The following TMEM63A variants were observed in gnomAD, a reference collection of about 807,000 sequenced individuals.
TMEM63A encodes transmembrane protein 63A, also known as mechanosensitive cation channel TMEM63A.
A neutral mutation model predicts 100.6 loss-of-function variants in TMEM63A; 76 were observed. The ratio of observed to expected loss-of-function variants is 0.76; its 90% CI spans 0.63 to 0.91. The LOEUF (loss-of-function observed/expected upper bound fraction) is 0.91, where lower values mean the gene tolerates loss of function less well. Among genes scored for constraint, TMEM63A ranks in the 40% least tolerant of loss-of-function variants. The pLI is 0.00. For missense variants in TMEM63A, 876 were observed against 1,008.8 expected, an observed-to-expected ratio of 0.87 and a Z score of 1.78; for synonymous variants, 401 against 401.1, an observed-to-expected ratio of 1.00 and a Z score of 0.00.
intron 3 of TMEM63A, among the ~76,000 whole-genome samples, chr1:225,876,496 C>T (rs1459962311): frequency 1.3e-5 from 2 of 152,210 alleles, no homozygotes; most frequent in Non-Finnish European, 2.9e-5. Flanking sequence ...AGAAGGGGCA[C>T]TTTAACCCCA....
rs1669900554 is a variant in TMEM63A at position 225,860,863 on chromosome 1, C to A, written c.1220G>T (p.Cys407Phe). The A allele has an allele frequency of 2.5e-6, 4 of 1,607,528 alleles. No homozygotes were observed. The highest frequency in any genetic ancestry group is 8.5e-7 in the Non-Finnish European group (1 of 1,177,042). The change falls in exon 14 of 25, where the codon TGC becomes TTC. Residue 407 changes from cysteine (C) to phenylalanine (F), a missense_variant. Around this residue, in one of 5 missense-constraint regions of TMEM63A, gnomAD observed 487 missense variants for 581.9 expected, o/e 0.84. Transcript: ENST00000366835. ...VTFAADPEDI[C>F]WKNLSIQGLR... ...TCTCCTTGGTCTAGGAGCTTACCAG[C>A]AGATGTCCTCAGGGTCAGCAGCAAA...
At chr1:225,841,569 C>T (rs1668416725), downstream of TMEM63A, among the ~76,000 whole-genome samples, 1 of 149,850 alleles carries the variant, frequency 6.7e-6, no homozygotes, top group Non-Finnish European at 1.5e-5. Context: ...CAGGTGTGAG[C>T]CACCGCACCC....
At chr1:225,845,256 T>G, downstream of TMEM63A, 1 of 1,613,926 alleles carries the variant, frequency 6.2e-7, no homozygotes, top group South Asian at 1.1e-5. Flanking sequence ...TATTCCTACA[T>G]GGTTCGTGGG....
In TMEM63A at chr1:225,876,063, C is replaced by CAAAAAA. The variant is rs532420561; in HGVS notation, c.186+1326_186+1331dup. ...CCTGGGTGACAGTGAGACCTTGTCT[C>CAAAAAA]AAAAAAAAAAAAAAAAAAAAAAAAA... On this transcript the variant is annotated intron_variant, in intron 3 of 24. Coordinates refer to ENST00000366835, the MANE Select transcript of TMEM63A (RefSeq NM_014698.3). 3.9e-4 allele frequency among the ~76,000 whole-genome samples: 13 copies of CAAAAAA among 32,920 alleles called. 1 individual carries two copies. Among genetic ancestry groups the CAAAAAA allele is most frequent in the Non-Finnish European group, 4.7e-4 (9 of 19,110 alleles). The allele number at this position is 32,920 out of a possible 152,430, so 21.6% of individuals were successfully genotyped here.
At position 225,862,181 on chromosome 1, in the gene TMEM63A, G is replaced by A; in HGVS notation, c.1085+37C>T. 1.2e-6 allele frequency: 2 copies of A among 1,610,494 alleles called. No homozygotes were observed. The highest frequency in any genetic ancestry group is 1.7e-6 in the Non-Finnish European group (2 of 1,178,322). ...TGAGTTATCTGGAGGGGAACAGGGA[G>A]TCAGCCAAGAAGGGGTCTGGATGTG... On this transcript the variant is annotated intron_variant, in intron 13 of 24. Transcript: ENST00000366835. This position sits in a 1 kb window ranked among gnomAD's most constrained non-coding sequence, Gnocchi z 5.1.
Position 225,850,078 on chromosome 1 carries a change from G to T in TMEM63A, c.1905C>A (p.Gly635=), listed in dbSNP as rs1433927171. The T allele has an allele frequency of 6.2e-7, 1 of 1,613,962 alleles. No homozygotes were observed. The highest frequency in any genetic ancestry group is 2.2e-5 in the East Asian group (1 of 44,884). ...SITCPIIAPF[G]LIYILLKHMV... ...TGTGCTTGAGCAGGATGTAGATGAG[G>T]CCTGCAGGGGATGGGGCTGTGAGCT... is the stretch of plus-strand genomic sequence containing the variant. Residue 635 remains glycine, a splice_region_variant and synonymous_variant, in exon 21 of 25, where the codon GGC becomes GGA. Transcript: ENST00000366835.
intron 14 of TMEM63A, chr1:225,859,613 C>A: frequency 4.3e-6 from 2 of 461,724 alleles, no homozygotes; most frequent in South Asian, 3.0e-5. Context: ...GCAGGCCAAA[C>A]AAGGCTCCAG....
intron 23 of TMEM63A, 98 bp from the exon 24 acceptor site, chr1:225,847,311 G>A: frequency 1.4e-6 from 2 of 1,434,330 alleles, no homozygotes; most frequent in Middle Eastern, 1.8e-4. Context: ...ACAGACAGTG[G>A]CCATAAAGGA....
chr1:225,859,144 G>C, intron 15 of TMEM63A, 52 bp downstream of exon 15: 1 of 1,612,254 alleles, frequency 6.2e-7, no homozygotes, highest in Non-Finnish European at 8.5e-7. Context: ...CACCCACCAA[G>C]CCCTCTTCTC....
At chr1:225,842,465 G>A, downstream of TMEM63A, 2 of 1,612,222 alleles carry the variant, frequency 1.2e-6, no homozygotes, top group Non-Finnish European at 1.7e-6. Flanking sequence ...GAGGATGGAG[G>A]CCTGGAAAGG....
Position 225,856,899 on chromosome 1 carries a change from C to G in TMEM63A, c.1484+12G>C, listed in dbSNP as rs1347981354. Reference sequence around the variant, plus strand: ...TCTTAGGGGCAGGGCCTCGGGGCTCCCGGGCACTCACTTGGTCCAGTGAGA... The same window carrying G: ...TCTTAGGGGCAGGGCCTCGGGGCTCGCGGGCACTCACTTGGTCCAGTGAGA... On this transcript the variant is annotated intron_variant, in intron 16 of 24. Transcript: ENST00000366835. 6.2e-7 allele frequency: 1 copy of G among 1,609,628 alleles called. No individual in the cohort carries two copies. The highest frequency in any genetic ancestry group is 1.7e-5 in the Admixed American group (1 of 58,644).
chr1:225,843,938 G>A (rs867960104), downstream of TMEM63A, among the ~76,000 whole-genome samples: 27 of 152,260 alleles, frequency 1.8e-4, no homozygotes, highest in Admixed American at 3.9e-4. Flanking sequence ...AGAGATTCAG[G>A]GTTTGAGTGA....
intron 1 of TMEM63A, among the ~76,000 whole-genome samples, chr1:225,881,460 C>T (rs546987005): frequency 6.6e-6 from 1 of 152,330 alleles, no homozygotes; most frequent in African/African-American, 2.4e-5. Flanking sequence ...GGCAGGATCC[C>T]ACCTGACGTC....
downstream of TMEM63A, chr1:225,841,094 T>C (rs1668367254): frequency 6.6e-6 from 1 of 152,178 alleles, no homozygotes; most frequent in Non-Finnish European, 1.5e-5. Context: ...ATCACCAACA[T>C]GGCCCCAACA....
chr1:225,852,106 G>T (rs1163674111), intron 20 of TMEM63A, among the ~76,000 whole-genome samples: 3 of 152,278 alleles, frequency 2.0e-5, no homozygotes, highest in African/African-American at 4.8e-5. Flanking sequence ...AATCAACCAT[G>T]AACGACATAG....
intron 18 of TMEM63A, among the ~76,000 whole-genome samples, chr1:225,855,255 T>C (rs1669561658): frequency 1.3e-5 from 2 of 152,170 alleles, no homozygotes; most frequent in South Asian, 4.1e-4. Flanking sequence ...CTGGATAAAC[T>C]TGGGCAAGTT....
Position 225,857,317 on chromosome 1 carries a change from T to C in TMEM63A, c.1378-300A>G, listed in dbSNP as rs929323726. 2.1e-5 allele frequency among the ~76,000 whole-genome samples: 3 copies of C among 144,080 alleles called. No individual in the cohort carries two copies. The Admixed American group carries it at 2.3e-4, about 11-fold the overall frequency. 94.5% of individuals were successfully genotyped at this position (144,080 alleles called of 152,430 possible). A position where few individuals can be genotyped will look rare whatever the true frequency, so the allele number is the denominator to read the frequency against. ...ATTAAATAACCTTCTCTGCTCCCTA[T>C]ACAAAACCAATGACTGATGCCATGG... On this transcript the variant is annotated intron_variant, in intron 15 of 24. Transcript: ENST00000366835.
At chr1:225,863,275 G>A (rs1670035857) in intron 10 of TMEM63A, among the ~76,000 whole-genome samples, 1 of 152,080 alleles carries the variant, frequency 6.6e-6, no homozygotes, top group African/African-American at 2.4e-5. Flanking sequence ...TCGAACTTCT[G>A]GCCTCAAGCA....
At chr1:225,850,463 G>A (rs60943392) in intron 20 of TMEM63A, among the ~76,000 whole-genome samples, 6,068 of 152,222 alleles carry the variant, frequency 0.04, 199 homozygotes, top group East Asian at 0.15. Flanking sequence ...GGAATGTGGG[G>A]GAGTTTACCT....
Sources: allele counts gnomAD v4.1 joint callset (sites outside exome capture counted in the v4.1 genomes callset), GRCh38; gene constraint gnomAD v4.1.1; regional missense constraint gnomAD v4.1.1; non-coding constraint Gnocchi (gnomAD v3.1); transcripts MANE v1.5; gene names NCBI Gene and HGNC (gene_info 2026-07-23, HGNC 2026-07-21).